SHISA9: variants seen among roughly 807,000 people sequenced by gnomAD.
SHISA9 encodes the protein protein shisa-9.
SHISA9 carries 13 observed loss-of-function variants against 38.0 expected under a neutral mutation model. That is an observed-to-expected ratio of 0.34 (90% confidence interval 0.22 to 0.54). SHISA9 has a LOEUF of 0.54. Ranked by LOEUF, SHISA9 falls within the 20% of genes least tolerant of loss-of-function variation. The pLI, the probability that SHISA9 is intolerant of heterozygous loss-of-function variation, is 0.91. For missense variants in SHISA9, 538 were observed against 575.8 expected (o/e 0.93, Z 0.67); for synonymous variants, 275 against 242.0 (o/e 1.14, Z -1.27).
intron 2 of SHISA9, among the ~76,000 whole-genome samples, chr16:13,101,896 G>A (rs1172573914): frequency 2.6e-5 from 4 of 152,188 alleles, no homozygotes; most frequent in African/African-American, 4.8e-5. Flanking sequence ...GGAGGAAAAA[G>A]GACTTCACAC....
the SHISA9 span, among the ~76,000 whole-genome samples, chr16:13,250,042 G>C: frequency 5.3e-5 from 8 of 152,086 alleles, no homozygotes; most frequent in Non-Finnish European, 1.2e-4. Flanking sequence ...CCACATCTCT[G>C]CATTTCTATC....
At chr16:13,117,951 G>A (rs554785707) in intron 2 of SHISA9, among the ~76,000 whole-genome samples, 8 of 152,260 alleles carry the variant, frequency 5.3e-5, no homozygotes, top group Middle Eastern at 3.4e-3. Flanking sequence ...GGAGGCTGAG[G>A]TGGGCGGATC....
chr16:13,219,895 T>C (rs998073176), intron 4 of SHISA9, among the ~76,000 whole-genome samples: 1 of 151,862 alleles, frequency 6.6e-6, no homozygotes, highest in African/African-American at 2.4e-5. Context: ...GAGGCGGAGG[T>C]TGCAGTGAGC....
At chr16:12,924,002 A>G (rs1022486265) in intron 2 of SHISA9, among the ~76,000 whole-genome samples, 3 of 152,116 alleles carry the variant, frequency 2.0e-5, no homozygotes, top group African/African-American at 7.2e-5. Flanking sequence ...CATCTCAAGA[A>G]CTTCAGGAGG....
intron 2 of SHISA9, among the ~76,000 whole-genome samples, chr16:12,975,109 C>T (rs972082404): frequency 2.0e-5 from 3 of 152,160 alleles, no homozygotes; most frequent in African/African-American, 7.2e-5. Flanking sequence ...ACATTCCCTG[C>T]TCTTGAGGGG....
At chr16:13,360,641 C>T in the SHISA9 span, among the ~76,000 whole-genome samples, 2 of 152,164 alleles carry the variant, frequency 1.3e-5, no homozygotes, top group African/African-American at 2.4e-5. Context: ...ATAAATTACC[C>T]AGTCTCGGGT....
chr16:13,288,789 T>TAAAACA, the SHISA9 span, among the ~76,000 whole-genome samples: 4,799 of 152,060 alleles, frequency 0.032, 251 homozygotes, highest in African/African-American at 0.11. Context: ...GACTCTGTCT[T>TAAAACA]AAAACAAAAA....
chr16:13,041,055 G>A (rs1408878694), intron 2 of SHISA9, among the ~76,000 whole-genome samples: 3 of 152,110 alleles, frequency 2.0e-5, no homozygotes, highest in African/African-American at 7.2e-5. Flanking sequence ...GTGTCGTTGG[G>A]GGCTGAGCCT....
At chr16:13,019,705 A>G (rs2072800263) in intron 2 of SHISA9, among the ~76,000 whole-genome samples, 1 of 149,404 alleles carries the variant, frequency 6.7e-6, no homozygotes, top group African/African-American at 2.5e-5. Context: ...TTACTTCATC[A>G]CCCAGGTATT....
chr16:13,494,399 T>C, the SHISA9 span, among the ~76,000 whole-genome samples: 4 of 151,930 alleles, frequency 2.6e-5, no homozygotes, highest in Non-Finnish European at 4.4e-5. Context: ...AATGTGTTGA[T>C]AGACAAACAC....
the SHISA9 span, among the ~76,000 whole-genome samples, chr16:13,309,023 C>G: frequency 2.0e-5 from 3 of 152,192 alleles, no homozygotes; most frequent in Non-Finnish European, 4.4e-5. Context: ...ATACCATATT[C>G]TCTTGGTCTC....
In SHISA9 at chr16:13,235,427, C is replaced by T; in HGVS notation, c.*18C>T. The T allele has an allele frequency of 6.6e-7, 1 of 1,525,192 alleles. No individual in the cohort carries two copies. The highest frequency in any genetic ancestry group is 8.8e-7 in the Non-Finnish European group (1 of 1,139,942). 94.5% of individuals were successfully genotyped at this position (1,525,192 alleles called of 1,614,324 possible). The stretch of plus-strand genomic sequence containing the variant: ...CTGTCTGAGCTTTCACCACAGGGAG[C>T]ACCCTGGAGACCACACTCAACTGAG... On this transcript the variant is annotated 3_prime_UTR_variant, in exon 5 of 5. Coordinates refer to ENST00000558583, the MANE Select transcript of SHISA9 (RefSeq NM_001145204.3).
At chr16:13,433,534 G>GATTA in the SHISA9 span, among the ~76,000 whole-genome samples, 111,663 of 151,738 alleles carry the variant, frequency 0.74, 41,275 homozygotes, top group Admixed American at 0.82. Context: ...AGGTCAGAGA[G>GATTA]ATTAATGTGT....
intron 2 of SHISA9, among the ~76,000 whole-genome samples, chr16:12,941,190 A>G (rs1241769863): frequency 6.6e-6 from 1 of 152,132 alleles, no homozygotes; most frequent in Non-Finnish European, 1.5e-5. Flanking sequence ...TGTCTCCACT[A>G]AAAATACAAG....
At chr16:13,098,532 G>T (rs7202752) in intron 2 of SHISA9, among the ~76,000 whole-genome samples, 2,773 of 152,266 alleles carry the variant, frequency 0.018, 82 homozygotes, top group African/African-American at 0.063. Flanking sequence ...AAGTGAGAAA[G>T]GGGGGAGGTT....
the SHISA9 span, among the ~76,000 whole-genome samples, chr16:13,313,705 A>T: frequency 3.3e-5 from 5 of 152,262 alleles, no homozygotes; most frequent in Admixed American, 6.5e-5. Context: ...AACAAATTGT[A>T]TACACAGAAC....
chr16:12,958,993 T>C (rs1284352557), intron 2 of SHISA9, among the ~76,000 whole-genome samples: 1 of 152,172 alleles, frequency 6.6e-6, no homozygotes, highest in Admixed American at 6.5e-5. Flanking sequence ...ATGGGTATGA[T>C]GACACAAGAC....
At chr16:13,156,398 C>T (rs1168358259) in intron 2 of SHISA9, among the ~76,000 whole-genome samples, 1 of 152,148 alleles carries the variant, frequency 6.6e-6, no homozygotes, top group Admixed American at 6.6e-5. Context: ...TGCACACAAT[C>T]CTGCCAACAC....
At chr16:13,410,385 C>T in the SHISA9 span, among the ~76,000 whole-genome samples, 2 of 152,198 alleles carry the variant, frequency 1.3e-5, no homozygotes, top group East Asian at 1.9e-4. Context: ...GTCACCATCA[C>T]CAAGAGACAT....
Sources: gnomAD v4.1 joint callset for allele counts (sites outside exome capture counted in the v4.1 genomes callset) on GRCh38, gnomAD v4.1.1 for gene constraint, MANE v1.5 for transcripts, NCBI Gene and HGNC (gene_info 2026-07-23, HGNC 2026-07-21) for gene names.